The following ATRNL1 variants were observed in gnomAD, a reference collection of about 807,000 sequenced individuals.
The protein encoded by ATRNL1 is attractin like 1, also known as attractin-like protein 1.
ATRNL1 carries 95 observed loss-of-function variants against 182.7 expected under a neutral mutation model. The ratio of observed to expected loss-of-function variants is 0.52; its 90% confidence interval spans 0.44 to 0.62. The LOEUF (loss-of-function observed/expected upper bound fraction) is 0.62, where lower values mean the gene tolerates loss of function less well. Among genes scored for constraint, ATRNL1 ranks in the 20% least tolerant of loss-of-function variants. ATRNL1 has a pLI of 0.00. For missense variants in ATRNL1, 1,471 were observed against 1,679.5 expected (o/e 0.88, Z 2.17); for synonymous variants, 576 against 568.3 (o/e 1.01, Z -0.19).
chr10:115,374,040 T>C (rs1857530697), intron 19 of ATRNL1, among the ~76,000 whole-genome samples: 2 of 151,900 alleles, frequency 1.3e-5, no homozygotes, highest in Non-Finnish European at 2.9e-5. Flanking sequence ...TTATTTAATC[T>C]TCTAAATTGT....
intron 8 of ATRNL1, among the ~76,000 whole-genome samples, chr10:115,182,269 G>A (rs977853258): frequency 6.6e-6 from 1 of 151,280 alleles, no homozygotes; most frequent in Non-Finnish European, 1.5e-5. Context: ...TATTGTTCTA[G>A]GTATACTGAG....
At chr10:115,251,717 CTT>C (rs143522075) in intron 10 of ATRNL1, among the ~76,000 whole-genome samples, 1,785 of 152,276 alleles carry the variant, frequency 0.012, 31 homozygotes, top group African/African-American at 0.04. Flanking sequence ...CATTTTTAGA[CTT>C]TTAATCACTG....
intron 24 of ATRNL1, among the ~76,000 whole-genome samples, chr10:115,505,381 G>A (rs782242074): frequency 1.4e-4 from 22 of 152,046 alleles, no homozygotes; most frequent in Non-Finnish European, 2.8e-4. Context: ...CCCAAAAGTA[G>A]CCTCTGTTGT....
At chr10:115,887,809 A>G (rs1951985044) in intron 28 of ATRNL1, among the ~76,000 whole-genome samples, 1 of 151,726 alleles carries the variant, frequency 6.6e-6, no homozygotes, top group African/African-American at 2.4e-5. Flanking sequence ...ACTATCTCTC[A>G]CATCCCTCCT....
At chr10:115,293,065 A>G (rs1554921399) in intron 15 of ATRNL1, among the ~76,000 whole-genome samples, 1 of 152,008 alleles carries the variant, frequency 6.6e-6, no homozygotes. Context: ...TTTACAATTT[A>G]TAGTCTCTTA....
chr10:115,905,622 A>G (rs951160106), intron 28 of ATRNL1, among the ~76,000 whole-genome samples: 3 of 152,204 alleles, frequency 2.0e-5, no homozygotes, highest in Admixed American at 6.5e-5. Context: ...AAATCTTTCC[A>G]TAAGAGGTTA....
At chr10:115,638,745 T>C (rs1555029184) in intron 26 of ATRNL1, among the ~76,000 whole-genome samples, 1 of 152,174 alleles carries the variant, frequency 6.6e-6, no homozygotes, top group African/African-American at 2.4e-5. Flanking sequence ...ATTATAAAAC[T>C]GAAAGATTCA....
intron 1 of ATRNL1, among the ~76,000 whole-genome samples, chr10:115,094,682 A>G (rs1444805011): frequency 6.6e-6 from 1 of 152,170 alleles, no homozygotes; most frequent in Non-Finnish European, 1.5e-5. Flanking sequence ...GGATTTACGG[A>G]GAGAAATCGA....
intron 1 of ATRNL1, among the ~76,000 whole-genome samples, chr10:115,096,295 GT>G (rs1197949584): frequency 6.6e-6 from 1 of 152,052 alleles, no homozygotes; most frequent in Non-Finnish European, 1.5e-5. Flanking sequence ...AACGATCTGT[GT>G]TTTTATTATG....
intron 22 of ATRNL1, among the ~76,000 whole-genome samples, chr10:115,462,577 A>T (rs1352815661): frequency 6.6e-6 from 1 of 152,146 alleles, no homozygotes. Context: ...ACGCCACTGC[A>T]CTCCAGCCTG....
intron 27 of ATRNL1, among the ~76,000 whole-genome samples, chr10:115,810,289 C>T (rs1476728713): frequency 2.6e-5 from 4 of 151,810 alleles, no homozygotes; most frequent in African/African-American, 9.7e-5. Context: ...CAGAATAATG[C>T]TGGTTTCATG....
chr10:115,346,609 G>A (rs1855985542), intron 19 of ATRNL1, among the ~76,000 whole-genome samples: 1 of 152,096 alleles, frequency 6.6e-6, no homozygotes, highest in African/African-American at 2.4e-5. Context: ...AAATAATGCT[G>A]CTAAGAATAT....
At position 115,702,228 on chromosome 10, in the gene ATRNL1, A is replaced by G. The variant is rs540311896; in HGVS notation, c.3796-25020A>G. Among the ~76,000 whole-genome samples, 34 of 152,100 alleles carry G rather than the reference A, an allele frequency of 2.2e-4. No individual in the cohort carries two copies. The South Asian group carries it at 6.8e-3, about 31-fold the overall frequency. ...CAATAAAATCCAACATCCCTTCATGATAAAAATCCTGAAAAAACTAGTCAT... is the reference window on the plus strand; with the variant it reads ...CAATAAAATCCAACATCCCTTCATGGTAAAAATCCTGAAAAAACTAGTCAT... On this transcript the variant is annotated intron_variant, in intron 26 of 28. Transcript: ENST00000355044.
chr10:115,135,940 C>T (rs1356041757), intron 5 of ATRNL1, among the ~76,000 whole-genome samples: 9 of 151,534 alleles, frequency 5.9e-5, no homozygotes, highest in African/African-American at 1.5e-4. Flanking sequence ...GCTCTTGCAG[C>T]GTTGACCTTC....
intron 26 of ATRNL1, among the ~76,000 whole-genome samples, chr10:115,602,234 A>T (rs1192904612): frequency 6.6e-6 from 1 of 152,056 alleles, no homozygotes; most frequent in Non-Finnish European, 1.5e-5. Context: ...GGCACCTATA[A>T]TCCCACCTAC....
At chr10:115,460,010 C>T (rs1440641121) in intron 21 of ATRNL1, among the ~76,000 whole-genome samples, 2 of 152,192 alleles carry the variant, frequency 1.3e-5, no homozygotes, top group Middle Eastern at 3.2e-3. Context: ...GATCACTACT[C>T]AGTCTTTTAA....
chr10:115,457,932 G>A (rs563025279), intron 21 of ATRNL1, among the ~76,000 whole-genome samples: 1 of 151,884 alleles, frequency 6.6e-6, no homozygotes, highest in African/African-American at 2.4e-5. Flanking sequence ...GTTTTCTTAT[G>A]TGTCTTGATC....
At position 115,104,723 on chromosome 10, in the gene ATRNL1, A is replaced by G. The variant is rs894529806; in HGVS notation, c.293+10680A>G. On this transcript the variant is annotated intron_variant, in intron 1 of 28. Coordinates refer to ENST00000355044, the MANE Select transcript of ATRNL1 (RefSeq NM_207303.4). ...ATCCATTTTCATTTGATTGTTGTAT[A>G]TGGTGAGAGATAGGGGTCCAGCTTC... is the stretch of plus-strand genomic sequence containing the variant. Among the ~76,000 whole-genome samples, 5 of 152,130 alleles carry G rather than the reference A, an allele frequency of 3.3e-5. No individual in the cohort carries two copies. The East Asian group carries it at 7.7e-4, about 23-fold the overall frequency.
chr10:115,490,500 C>T (rs1373462791), intron 24 of ATRNL1, among the ~76,000 whole-genome samples: 1 of 151,946 alleles, frequency 6.6e-6, no homozygotes, highest in Non-Finnish European at 1.5e-5. Context: ...TCCTTTCTTC[C>T]CCTTGATTGA....
Sources: allele counts gnomAD v4.1 joint callset (sites outside exome capture counted in the v4.1 genomes callset), GRCh38; gene constraint gnomAD v4.1.1; transcripts MANE v1.5; gene names NCBI Gene and HGNC (gene_info 2026-07-23, HGNC 2026-07-21).